Variants in GUCY1A2 observed in about 807,000 individuals in gnomAD.
GUCY1A2 encodes guanylate cyclase 1 soluble subunit alpha 2.
GUCY1A2 carries 27 observed loss-of-function variants against 63.5 expected under a neutral mutation model. That is an observed-to-expected ratio of 0.43 (90% CI 0.31 to 0.59). The LOEUF is 0.59. Ranked by LOEUF, GUCY1A2 falls within the 20% of genes least tolerant of loss-of-function variation. The pLI, the probability that GUCY1A2 is intolerant of heterozygous loss-of-function variation, is 0.11. For synonymous variants in GUCY1A2, 364 were observed against 343.5 expected, an observed-to-expected ratio of 1.06 and a Z score of -0.66; for missense variants, 768 against 913.3, an observed-to-expected ratio of 0.84 and a Z score of 2.05.
intron 1 of GUCY1A2, among the ~76,000 whole-genome samples, chr11:106,995,774 C>T (rs1355874406): frequency 6.6e-6 from 1 of 152,204 alleles, no homozygotes; most frequent in Non-Finnish European, 1.5e-5. Context: ...CCAGCCATGC[C>T]TTACAGCCCA....
intron 4 of GUCY1A2, among the ~76,000 whole-genome samples, chr11:106,904,985 C>G (rs1860184644): frequency 6.6e-6 from 1 of 151,984 alleles, no homozygotes; most frequent in South Asian, 2.1e-4. Flanking sequence ...TTTCAGTGAC[C>G]TAATTGAATT....
chr11:106,918,444 T>C (rs904091557), intron 4 of GUCY1A2, among the ~76,000 whole-genome samples: 1 of 145,284 alleles, frequency 6.9e-6, no homozygotes, highest in Non-Finnish European at 1.5e-5. Context: ...TAATTCTACA[T>C]ATTTACTTGT....
At chr11:106,753,513 C>G (rs1863919455) in intron 6 of GUCY1A2, among the ~76,000 whole-genome samples, 1 of 152,204 alleles carries the variant, frequency 6.6e-6, no homozygotes, top group African/African-American at 2.4e-5. Flanking sequence ...ACATTTAAGT[C>G]TTTAATCCAT....
intron 7 of GUCY1A2, among the ~76,000 whole-genome samples, chr11:106,701,125 T>A (rs866809502): frequency 6.6e-6 from 1 of 152,132 alleles, no homozygotes; most frequent in South Asian, 2.1e-4. Context: ...CCAAATTGTT[T>A]ATAAAGTAAA....
chr11:106,742,237 C>G (rs984558357), intron 6 of GUCY1A2, among the ~76,000 whole-genome samples: 3 of 152,048 alleles, frequency 2.0e-5, no homozygotes, highest in African/African-American at 7.2e-5. Context: ...GTTTGTTACA[C>G]AGATAAACAT....
chr11:106,907,857 A>T lies in GUCY1A2; in HGVS notation c.1206+31603T>A, dbSNP rs570437837. 2.4e-4 allele frequency among the ~76,000 whole-genome samples: 37 copies of T among 152,200 alleles called. 1 individual carries two copies. The East Asian group carries it at 3.3e-3, about 14-fold the overall frequency. On this transcript the variant is annotated intron_variant, in intron 4 of 7. Coordinates refer to ENST00000526355, the MANE Select transcript of GUCY1A2 (RefSeq NM_000855.3). ...TCTTTGCTATTGTGAATAGTGCCGC[A>T]ATAAACATATGTGTGCATGGAGACA...
chr11:106,906,024 T>C (rs1256754776), intron 4 of GUCY1A2, among the ~76,000 whole-genome samples: 3 of 152,118 alleles, frequency 2.0e-5, no homozygotes, highest in Admixed American at 6.6e-5. Flanking sequence ...ATTCAGGACA[T>C]AGGCATGGGC....
At chr11:106,721,927 C>T (rs907232007) in intron 6 of GUCY1A2, among the ~76,000 whole-genome samples, 5 of 152,174 alleles carry the variant, frequency 3.3e-5, no homozygotes, top group African/African-American at 1.2e-4. Context: ...AAGAAGTTCA[C>T]AGATTTCTCA....
intron 4 of GUCY1A2, among the ~76,000 whole-genome samples, chr11:106,865,381 C>A (rs958569179): frequency 6.6e-6 from 1 of 151,972 alleles, no homozygotes; most frequent in Non-Finnish European, 1.5e-5. Flanking sequence ...GTCTCTATCT[C>A]CTTCAGTTCT....
chr11:106,716,733 C>G (rs1591245145), intron 6 of GUCY1A2, among the ~76,000 whole-genome samples: 1 of 133,782 alleles, frequency 7.5e-6, no homozygotes, highest in Non-Finnish European at 1.5e-5. Context: ...CACGCTACTG[C>G]ACTCCAGCCT....
At chr11:106,854,774 G>A (rs1394785858) in intron 4 of GUCY1A2, among the ~76,000 whole-genome samples, 5 of 152,178 alleles carry the variant, frequency 3.3e-5, no homozygotes, top group Non-Finnish European at 5.9e-5. Flanking sequence ...CAGGCCCTAT[G>A]AAGGTGCACA....
chr11:106,887,148 T>G (rs1859911415), intron 4 of GUCY1A2, among the ~76,000 whole-genome samples: 1 of 152,088 alleles, frequency 6.6e-6, no homozygotes, highest in Non-Finnish European at 1.5e-5. Context: ...ATGCATAAAT[T>G]TATTCTTTTG....
At chr11:106,942,305 G>T (rs1313287329) in intron 3 of GUCY1A2, among the ~76,000 whole-genome samples, 1 of 151,970 alleles carries the variant, frequency 6.6e-6, no homozygotes, top group Non-Finnish European at 1.5e-5. Flanking sequence ...TGATTACTCT[G>T]CATGAACATT....
At chr11:106,844,233 C>G (rs551096712) in intron 4 of GUCY1A2, among the ~76,000 whole-genome samples, 1 of 151,866 alleles carries the variant, frequency 6.6e-6, no homozygotes, top group East Asian at 1.9e-4. Flanking sequence ...GGAAATATGG[C>G]CCATGCTGTC....
In GUCY1A2 at chr11:106,933,092, A is replaced by T. The variant is rs555235021; in HGVS notation, c.1206+6368T>A. The stretch of plus-strand genomic sequence containing the variant: ...TTGTTACTAAGTCCCAAAAGCAACA[A>T]AACAAAACAAAAATTGACAAGTGGG... On this transcript the variant is annotated intron_variant, in intron 4 of 7. Coordinates refer to ENST00000526355, the MANE Select transcript of GUCY1A2 (RefSeq NM_000855.3). Among the ~76,000 whole-genome samples, 3 of 152,274 alleles carry T rather than the reference A, an allele frequency of 2.0e-5. No individual in the cohort carries two copies. In the East Asian group the frequency reaches 5.8e-4, roughly 29 times the overall value.
intron 5 of GUCY1A2, among the ~76,000 whole-genome samples, chr11:106,803,473 T>C (rs943226470): frequency 6.6e-6 from 1 of 152,150 alleles, no homozygotes; most frequent in African/African-American, 2.4e-5. Flanking sequence ...TTTATCTATT[T>C]CTAGTAAGCG....
At chr11:106,726,482 A>T (rs140203503) in intron 6 of GUCY1A2, among the ~76,000 whole-genome samples, 5 of 152,330 alleles carry the variant, frequency 3.3e-5, no homozygotes, top group Non-Finnish European at 5.9e-5. Context: ...TGGGTAAGCA[A>T]GCAAAAATTA....
At chr11:106,747,885 C>T (rs779663479) in intron 6 of GUCY1A2, among the ~76,000 whole-genome samples, 2 of 152,134 alleles carry the variant, frequency 1.3e-5, no homozygotes, top group African/African-American at 2.4e-5. Flanking sequence ...TTACTATTCC[C>T]TTACTTGTTC....
chr11:106,783,767 A>T lies in GUCY1A2; in HGVS notation c.1693-7185T>A, dbSNP rs1864507868. ...ATGTAGCATGTCGTTAGATGTCTGAACTCTTTACCTCTTAATTGAGATGGC... is the reference window on the plus strand; with the variant it reads ...ATGTAGCATGTCGTTAGATGTCTGATCTCTTTACCTCTTAATTGAGATGGC... On this transcript the variant is annotated intron_variant, in intron 5 of 7. Transcript: ENST00000526355. 1.3e-5 allele frequency among the ~76,000 whole-genome samples: 2 copies of T among 151,908 alleles called. 1 individual carries two copies. The highest frequency in any genetic ancestry group is 6.8e-3 in the Middle Eastern group (2 of 294).
Sources: gnomAD v4.1 joint callset for allele counts (sites outside exome capture counted in the v4.1 genomes callset) on GRCh38, gnomAD v4.1.1 for gene constraint, MANE v1.5 for transcripts, NCBI Gene and HGNC (gene_info 2026-07-23, HGNC 2026-07-21) for gene names.